Variants in NANOG observed in about 807,000 individuals in gnomAD.
NANOG encodes the protein homeobox protein NANOG.
In NANOG, 2 loss-of-function variants were observed where a neutral mutation model predicts 17.7. The ratio of observed to expected loss-of-function variants is 0.11; its 90% CI spans 0.05 to 0.36. The LOEUF (loss-of-function observed/expected upper bound fraction) is 0.36. Among genes scored for constraint, NANOG ranks in the 10% least tolerant of loss-of-function variants. The pLI is 1.00. For missense variants in NANOG, 174 were observed against 362.1 expected (o/e 0.48, Z 4.22); for synonymous variants, 81 against 124.7 (o/e 0.65, Z 2.33).
Position 7,793,134 on chromosome 12 carries a change from T to C in NANOG, c.336T>C (p.Asp112=), listed in dbSNP as rs771307273. The change falls in exon 2 of 4, where the codon GAT becomes GAC. Residue 112 remains aspartate, a synonymous_variant. Transcript: ENST00000229307. ...FSSTQLCVLN[D]RFQRQKYLSL... ...CCACCCAGCTGTGTGTACTCAATGA[T>C]AGATTTCAGAGACAGAAATACCTCA... The C allele has an allele frequency of 3.7e-6, 6 of 1,609,108 alleles. No homozygotes were observed. The highest frequency in any genetic ancestry group is 1.3e-5 in the African/African-American group (1 of 74,820).
chr12:7,790,920 A>C (rs1894826), intron 1 of NANOG, among the ~76,000 whole-genome samples: 80,169 of 151,578 alleles, frequency 0.53, 22,125 homozygotes, highest in Non-Finnish European at 0.59. Flanking sequence ...TTAAAAAATT[A>C]TTTTTGTAGA....
intron 2 of NANOG, among the ~76,000 whole-genome samples, chr12:7,794,225 C>T (rs970887048): frequency 5.3e-5 from 8 of 149,538 alleles, no homozygotes; most frequent in African/African-American, 1.7e-4. Context: ...AGACGTGCAG[C>T]ATTACACCCG....
At chr12:7,792,843 C>T in intron 1 of NANOG, 107 bp from the exon 2 acceptor site, 6 of 1,168,938 alleles carry the variant, frequency 5.1e-6, no homozygotes, top group South Asian at 1.6e-5. Context: ...TTACTTAGAT[C>T]TGGGGTTCTG....
intron 1 of NANOG, among the ~76,000 whole-genome samples, chr12:7,791,780 AT>A (rs1160632541): frequency 3.9e-5 from 6 of 152,358 alleles, no homozygotes; most frequent in East Asian, 1.9e-4. Context: ...TAATAAAAAA[AT>A]AATTTTAGAG....
intron 2 of NANOG, 37 bp from the exon 3 acceptor site, chr12:7,794,420 A>G (rs372185946): frequency 6.4e-7 from 1 of 1,551,350 alleles, no homozygotes; most frequent in Non-Finnish European, 8.9e-7. Context: ...CCTCTGTATT[A>G]TGAATATTTT....
intron 2 of NANOG, among the ~76,000 whole-genome samples, chr12:7,794,233 C>G (rs926860472): frequency 4.2e-5 from 6 of 143,784 alleles, no homozygotes; most frequent in African/African-American, 1.5e-4. Flanking sequence ...AGCATTACAC[C>G]CGGCTAATTT....
rs775286655 is a variant in NANOG at position 7,789,620 on chromosome 12, T to C, written c.6T>C (p.Ser2=). Reference sequence around the variant, plus strand: ...TCCTCTTCCTCTATACTAACATGAGTGTGGATCCAGCTTGTCCCCAAAGCT... The same window carrying C: ...TCCTCTTCCTCTATACTAACATGAGCGTGGATCCAGCTTGTCCCCAAAGCT... M[S]VDPACPQSLP... The change falls in exon 1 of 4, where the codon AGT becomes AGC. Residue 2 remains serine, a synonymous_variant. Transcript: ENST00000229307. 6.2e-7 allele frequency: 1 copy of C among 1,613,702 alleles called. No individual in the cohort carries two copies. The highest frequency in any genetic ancestry group is 8.5e-7 in the Non-Finnish European group (1 of 1,180,038).
intron 3 of NANOG, 67 bp from the exon 4 acceptor site, chr12:7,794,612 C>A: frequency 6.2e-7 from 1 of 1,608,828 alleles, no homozygotes; most frequent in Non-Finnish European, 8.5e-7. Context: ...CTGAAACACA[C>A]AACTCCAGTC....
intron 1 of NANOG, among the ~76,000 whole-genome samples, chr12:7,791,374 G>T (rs989386228): frequency 6.6e-6 from 1 of 152,078 alleles, no homozygotes; most frequent in Non-Finnish European, 1.5e-5. Context: ...GCTGGGCACC[G>T]CGCCTGGCCA....
chr12:7,795,728 GA>G lies in NANOG; in HGVS notation c.*636del, dbSNP rs1862921135. The stretch of plus-strand genomic sequence containing the variant: ...GTTTAGAATCTAACCTCAAGAATAA[GA>G]AATACAAGTACAAATTGGTGATGAA... On this transcript the variant is annotated 3_prime_UTR_variant, in exon 4 of 4. Coordinates refer to ENST00000229307, the MANE Select transcript of NANOG (RefSeq NM_024865.4). The G allele has an allele frequency of 1.4e-5, 2 of 141,558 alleles. No homozygotes were observed. The highest frequency in any genetic ancestry group is 1.6e-4 in the Admixed American group (2 of 12,874). 8.8% of individuals were successfully genotyped at this position (141,558 alleles called of 1,614,324 possible).
In NANOG at chr12:7,794,886, A is replaced by T. The variant is rs1460790774; in HGVS notation, c.709A>T (p.Asn237Tyr). Residue 237 changes from asparagine to tyrosine, a missense_variant, in exon 4 of 4, where the codon AAC (asparagine) becomes TAC (tyrosine). By Grantham distance (143) the Asn-to-Tyr change is moderately radical. This residue lies in a region of NANOG where 16 missense variants were observed against 117.9 expected (regional missense o/e 0.14). Coordinates refer to ENST00000229307, the MANE Select transcript of NANOG (RefSeq NM_024865.4). The part of the protein sequence containing the change: ...CTQSWNNQAW[N>Y]SPFYNCGEES... The stretch of plus-strand genomic sequence containing the variant: ...CCAATCCTGGAACAATCAGGCCTGG[A>T]ACAGTCCCTTCTATAACTGTGGAGA... 7.5e-7 allele frequency: 1 copy of T among 1,337,102 alleles called. No individual in the cohort carries two copies. Among genetic ancestry groups the T allele is most frequent in the South Asian group, 1.2e-5 (1 of 81,846 alleles). The allele number at this position is 1,337,102 out of a possible 1,614,324, so 82.8% of individuals were successfully genotyped here.
chr12:7,794,953 C>T lies in NANOG; in HGVS notation c.776C>T (p.Pro259Leu), dbSNP rs1862898092. The change falls in exon 4 of 4, where the codon CCT becomes CTT. Residue 259 changes from proline (P) to leucine (L), a missense_variant. Physicochemically the swap from Pro to Leu is moderately conservative, Grantham distance 98. Coordinates refer to ENST00000229307, the MANE Select transcript of NANOG (RefSeq NM_024865.4). ...QSCMQFQPNS[P>L]ASDLEAALEA... ...TGCATGCAGTTCCAGCCAAATTCTC[C>T]TGCCAGTGACTTGGAGGCTGCCTTG... 7.4e-7 allele frequency: 1 copy of T among 1,350,804 alleles called. No individual in the cohort carries two copies. The highest frequency in any genetic ancestry group is 1.4e-5 in the African/African-American group (1 of 70,288). The allele number at this position is 1,350,804 out of a possible 1,614,324, so 83.7% of individuals were successfully genotyped here. A position where few individuals can be genotyped will look rare whatever the true frequency, so the allele number is the denominator to read the frequency against.
Position 7,794,464 on chromosome 12 carries a change from C to A in NANOG, c.422C>A (p.Thr141Asn). 1 of 1,611,222 alleles carries A rather than the reference C, an allele frequency of 6.2e-7. No homozygotes were observed. Among genetic ancestry groups the A allele is most frequent in the Non-Finnish European group, 8.5e-7 (1 of 1,178,132 alleles). The part of the protein sequence containing the change: ...ILNLSYKQVK[T>N]WFQNQRMKSK... ...TATCATTTTTTCCTGCAGGTGAAGA[C>A]CTGGTTCCAGAACCAGAGAATGAAA... The change falls in exon 3 of 4, where the codon ACC (threonine) becomes AAC (asparagine). Residue 141 changes from threonine (T) to asparagine (N), a missense_variant. By Grantham distance (65) the Thr-to-Asn change is moderately conservative (BLOSUM62 0). Around this residue, in one of 2 missense-constraint regions of NANOG, gnomAD observed 158 missense variants for 244.2 expected, o/e 0.65. Transcript: ENST00000229307.
Position 7,796,457 on chromosome 12 carries a change from C to A in NANOG, c.*1362C>A, listed in dbSNP as rs1421252431. 1.3e-5 allele frequency: 2 copies of A among 152,172 alleles called. No homozygotes were observed. The highest frequency in any genetic ancestry group is 2.9e-5 in the Non-Finnish European group (2 of 68,042). The allele number at this position is 152,172 out of a possible 1,614,324, so 9.4% of individuals were successfully genotyped here. A position where few individuals can be genotyped will look rare whatever the true frequency, so the allele number is the denominator to read the frequency against. ...TCCGTGTATGAATCTGTAATTGATG[C>A]TAACATTTAAAGTTTCATCAGAGGC... On this transcript the variant is annotated 3_prime_UTR_variant, in exon 4 of 4. Coordinates refer to ENST00000229307, the MANE Select transcript of NANOG (RefSeq NM_024865.4).
At chr12:7,793,665 T>G (rs1862875600) in intron 2 of NANOG, among the ~76,000 whole-genome samples, 1 of 152,224 alleles carries the variant, frequency 6.6e-6, no homozygotes, top group Non-Finnish European at 1.5e-5. Flanking sequence ...TTTCCTTCAT[T>G]AATTGGCTTA....
rs1288393034 is a variant in NANOG, at chr12:7,798,900, G to C, written c.*3805G>C. 6.8e-6 allele frequency: 1 copy of C among 147,646 alleles called. No homozygotes were observed. The highest frequency in any genetic ancestry group is 2.5e-5 in the African/African-American group (1 of 39,668). 9.1% of individuals were successfully genotyped at this position (147,646 alleles called of 1,614,324 possible). A position where few individuals can be genotyped will look rare whatever the true frequency, so the allele number is the denominator to read the frequency against. ...GGGCCCCCATGGGCTTTGACTCAAG[G>C]GGGAGATGAAGGGAATTTGTTAAAG... is the stretch of plus-strand genomic sequence containing the variant. On this transcript the variant is annotated 3_prime_UTR_variant, in exon 4 of 4. Transcript: ENST00000229307.
chr12:7,794,585 T>C (rs893843295), intron 3 of NANOG, 42 bp downstream of exon 3: 1 of 1,603,012 alleles, frequency 6.2e-7, no homozygotes, highest in African/African-American at 1.3e-5. Context: ...TCAGTGATCT[T>C]TCAATCTTGT....
At position 7,789,653 on chromosome 12, in the gene NANOG, C is replaced by T. The variant is rs1464750783; in HGVS notation, c.39C>T (p.Cys13=). 2 of 1,614,104 alleles carry T rather than the reference C, an allele frequency of 1.2e-6. No individual in the cohort carries two copies. The highest frequency in any genetic ancestry group is 2.2e-5 in the East Asian group (1 of 44,880). ...CAGCTTGTCCCCAAAGCTTGCCTTGCTTTGAAGCATCCGACTGTAAAGAAT... is the reference window on the plus strand; with the variant it reads ...CAGCTTGTCCCCAAAGCTTGCCTTGTTTTGAAGCATCCGACTGTAAAGAAT... ...VDPACPQSLP[C]FEASDCKESS... The change falls in exon 1 of 4, where the codon TGC becomes TGT. Residue 13 remains cysteine (C), a synonymous_variant. Coordinates refer to ENST00000229307, the MANE Select transcript of NANOG (RefSeq NM_024865.4).
intron 1 of NANOG, among the ~76,000 whole-genome samples, chr12:7,791,424 T>TGG (rs1862839473): frequency 1.3e-5 from 2 of 152,156 alleles, no homozygotes; most frequent in Non-Finnish European, 2.9e-5. Flanking sequence ...TTGCTGGGTT[T>TGG]GGGAATGAGC....
Sources: allele counts gnomAD v4.1 joint callset (sites outside exome capture counted in the v4.1 genomes callset), GRCh38; gene constraint gnomAD v4.1.1; regional missense constraint gnomAD v4.1.1; transcripts MANE v1.5; gene names NCBI Gene and HGNC (gene_info 2026-07-23, HGNC 2026-07-21).